PARP14: variants seen among roughly 807,000 people sequenced by gnomAD.
PARP14 encodes the protein protein mono-ADP-ribosyltransferase PARP14.
A neutral mutation model predicts 154.2 loss-of-function variants in PARP14; 59 were observed. The ratio of observed to expected loss-of-function variants is 0.38; its 90% CI spans 0.31 to 0.48. The LOEUF is 0.48. Ranked by LOEUF, PARP14 falls within the 20% of genes least tolerant of loss-of-function variation. The pLI, the probability that PARP14 is intolerant of heterozygous loss-of-function variation, is 0.98. For missense variants in PARP14, 1,734 were observed against 2,131.6 expected, an observed-to-expected ratio of 0.81 and a Z score of 3.67; for synonymous variants, 720 against 780.5, an observed-to-expected ratio of 0.92 and a Z score of 1.29.
At chr3:122,704,113 C>T in intron 7 of PARP14, 135 bp downstream of exon 7, 1 of 649,742 alleles carries the variant, frequency 1.5e-6, no homozygotes, top group Non-Finnish European at 2.7e-6. Flanking sequence ...CAGATTCCAT[C>T]ATGTGGCCAT....
Position 122,681,421 on chromosome 3 carries a change from C to T in PARP14, c.187+351C>T, listed in dbSNP as rs999908827. On this transcript the variant is annotated intron_variant, in intron 1 of 16. Transcript: ENST00000474629. The surrounding 1 kb of genome is among the most constrained non-coding windows in gnomAD (Gnocchi z 5.5). ...GAAGTGAGTCTATCCTCTTATCATCCTTTTCTGTCTTTTCCTGTTGTTATT... is the reference window on the plus strand; with the variant it reads ...GAAGTGAGTCTATCCTCTTATCATCTTTTTCTGTCTTTTCCTGTTGTTATT... Among the ~76,000 whole-genome samples, 2 of 152,210 alleles carry T rather than the reference C, an allele frequency of 1.3e-5. No individual in the cohort carries two copies. Among genetic ancestry groups the T allele is most frequent in the Non-Finnish European group, 1.5e-5 (1 of 68,038 alleles).
chr3:122,685,363 A>G, intron 2 of PARP14, 45 bp downstream of exon 2: 1 of 1,563,836 alleles, frequency 6.4e-7, no homozygotes, highest in Non-Finnish European at 8.8e-7. Context: ...AGGTCTCCCA[A>G]GGTGTGTGAG....
chr3:122,684,467 T>C (rs1322099769), intron 1 of PARP14, among the ~76,000 whole-genome samples: 1 of 152,230 alleles, frequency 6.6e-6, no homozygotes, highest in Non-Finnish European at 1.5e-5. Context: ...GTGAGGAAAC[T>C]GAGAGTTGAG....
At position 122,713,482 on chromosome 3, in the gene PARP14, C is replaced by T. The variant is rs536198013; in HGVS notation, c.3678C>T (p.Ser1226=). 5.4e-5 allele frequency: 87 copies of T among 1,612,456 alleles called. No homozygotes were observed. Among genetic ancestry groups the T allele is most frequent in the Admixed American group, 3.2e-4 (19 of 59,998 alleles). The change falls in exon 10 of 17, where the codon TCC becomes TCT. Residue 1226 remains serine, a synonymous_variant. Coordinates refer to ENST00000474629, the MANE Select transcript of PARP14 (RefSeq NM_017554.3). ...GTGTGTATGAAATGAAGATTGGCTC[C>T]ATCATCTTCCAGGTGGCTTCTGGAG... ...DSGVYEMKIG[S]IIFQVASGDI...
At chr3:122,692,572 G>C (rs1405368506) in intron 4 of PARP14, 29 bp downstream of exon 4, 7 of 1,583,234 alleles carry the variant, frequency 4.4e-6, no homozygotes, top group Non-Finnish European at 6.0e-6. Flanking sequence ...TCCTCTGCCT[G>C]TCTTCTTTGT....
chr3:122,704,803 A>C, intron 8 of PARP14, 55 bp downstream of exon 8: 1 of 993,404 alleles, frequency 1.0e-6, no homozygotes, highest in Non-Finnish European at 1.5e-6. Flanking sequence ...GTGTTTTTTC[A>C]AATGTCTTTT....
chr3:122,713,239 T>C (rs1161700347), intron 9 of PARP14, among the ~76,000 whole-genome samples, 185 bp from the exon 10 acceptor site: 1 of 152,224 alleles, frequency 6.6e-6, no homozygotes, highest in Non-Finnish European at 1.5e-5. Context: ...ATGGATTCTA[T>C]GTTCTAATTC....
At chr3:122,724,026 G>A (rs879544826) in intron 15 of PARP14, among the ~76,000 whole-genome samples, 1 of 152,090 alleles carries the variant, frequency 6.6e-6, no homozygotes, top group African/African-American at 2.4e-5. Context: ...CATTTGGCTG[G>A]CAGGAAGTTG....
At position 122,703,008 on chromosome 3, in the gene PARP14, A is replaced by C. The variant is rs574189860; in HGVS notation, c.3082-734A>C. On this transcript the variant is annotated intron_variant, in intron 6 of 16. Coordinates refer to ENST00000474629, the MANE Select transcript of PARP14 (RefSeq NM_017554.3). The stretch of plus-strand genomic sequence containing the variant: ...CCCTCTCTCTTAAAAAAAAAAAAAA[A>C]AACAAAAAAAAAAAACAAAAAACAA... 2.3e-4 allele frequency among the ~76,000 whole-genome samples: 28 copies of C among 120,182 alleles called. No individual in the cohort carries two copies. In the South Asian group the frequency reaches 4.6e-3, roughly 20 times the overall value. The allele number at this position is 120,182 out of a possible 152,430, so 78.8% of individuals were successfully genotyped here. A position where few individuals can be genotyped will look rare whatever the true frequency, so the allele number is the denominator to read the frequency against.
rs1938186851 is a variant in PARP14 at position 122,681,020 on chromosome 3, A to G, written c.137A>G (p.Gln46Arg). The change falls in exon 1 of 17, where the codon CAG becomes CGG. Residue 46 changes from glutamine (Q) to arginine (R), a missense_variant. Transcript: ENST00000474629. This position sits in a 1 kb window ranked among gnomAD's most constrained non-coding sequence, Gnocchi z 5.5. ...GGAGGCGGCGAGTGTGAGGTCCGCC[A>G]GGATCCCAGGAGCCCATCCCGCTTC... ...RSGGGECEVRQDPRSPSRFLV... is the reference protein window; with the variant it reads ...RSGGGECEVRRDPRSPSRFLV... The G allele has an allele frequency of 1.2e-6, 2 of 1,613,238 alleles. No individual in the cohort carries two copies. The highest frequency in any genetic ancestry group is 1.7e-6 in the Non-Finnish European group (2 of 1,179,376).
rs777743022 is a variant in PARP14 at position 122,699,637 on chromosome 3, T to C, written c.1083T>C (p.Ser361=). 26 of 1,613,916 alleles carry C rather than the reference T, an allele frequency of 1.6e-5. No homozygotes were observed. The African/African-American group carries it at 2.9e-4, about 18-fold the overall frequency. ...GTGAGCTCACGTGGTCCCAACTCAG[T>C]GGTAAAGTTACCATCAGACCAGCAG... ...CHCELTWSQL[S]GKVTIRPAAT... is the part of the protein sequence containing the mutation. Residue 361 remains serine (S), a synonymous_variant, in exon 6 of 17, where the codon AGT becomes AGC. Coordinates refer to ENST00000474629, the MANE Select transcript of PARP14 (RefSeq NM_017554.3).
At chr3:122,710,646 A>G (rs1939294636) in intron 9 of PARP14, among the ~76,000 whole-genome samples, 1 of 152,156 alleles carries the variant, frequency 6.6e-6, no homozygotes, top group African/African-American at 2.4e-5. Flanking sequence ...TGCTTTGGGC[A>G]GAATGGTCAT....
intron 3 of PARP14, among the ~76,000 whole-genome samples, chr3:122,690,590 C>A (rs1311067081): frequency 6.6e-6 from 1 of 152,184 alleles, no homozygotes; most frequent in African/African-American, 2.4e-5. Context: ...CGGCTCACTG[C>A]AACCTCCGCC....
At chr3:122,689,554 C>A (rs551248608) in intron 3 of PARP14, among the ~76,000 whole-genome samples, 1 of 152,298 alleles carries the variant, frequency 6.6e-6, no homozygotes, top group Admixed American at 6.5e-5. Flanking sequence ...AATGACCCTC[C>A]CGCCTTGGCC....
chr3:122,726,194 C>T (rs946320561), intron 15 of PARP14, among the ~76,000 whole-genome samples: 1 of 152,160 alleles, frequency 6.6e-6, no homozygotes, highest in Admixed American at 6.5e-5. Context: ...TTTCCAGTGT[C>T]CTTCAATTCT....
intron 14 of PARP14, 110 bp downstream of exon 14, chr3:122,719,068 A>G: frequency 9.1e-7 from 1 of 1,096,910 alleles, no homozygotes; most frequent in Non-Finnish European, 1.3e-6. Context: ...ATGTGACACT[A>G]ATGAAATAAA....
At chr3:122,721,885 A>G (rs1933174674) in intron 15 of PARP14, 1 of 152,274 alleles carries the variant, frequency 6.6e-6, no homozygotes, top group Admixed American at 6.5e-5. Flanking sequence ...CTATACCTTC[A>G]GATAAAATAA....
At chr3:122,720,202 T>G (rs946156691) in intron 14 of PARP14, 53 bp from the exon 15 acceptor site, 29 of 1,563,932 alleles carry the variant, frequency 1.9e-5, no homozygotes, top group Non-Finnish European at 2.4e-5. Context: ...ATACTAAATG[T>G]TCCAGAGTGT....
At chr3:122,713,813 C>T (rs553259845) in intron 10 of PARP14, 59 bp from the exon 11 acceptor site, 14 of 1,248,404 alleles carry the variant, frequency 1.1e-5, no homozygotes, top group South Asian at 1.1e-4. Flanking sequence ...CCTTCTGATC[C>T]AAATATACCA....
Sources: gnomAD v4.1 joint callset for allele counts (sites outside exome capture counted in the v4.1 genomes callset) on GRCh38, gnomAD v4.1.1 for gene constraint, Gnocchi (gnomAD v3.1) non-coding constraint, MANE v1.5 for transcripts, NCBI Gene and HGNC (gene_info 2026-07-23, HGNC 2026-07-21) for gene names.